NOC2L: variants seen among roughly 807,000 people sequenced by gnomAD.
NOC2L encodes the protein NOC2 like nucleolar associated transcriptional repressor.
In NOC2L, 101 loss-of-function variants were observed where a neutral mutation model predicts 94.2. That is an observed-to-expected ratio of 1.07 (90% CI 0.91 to 1.26). NOC2L has a LOEUF of 1.26. Among genes scored for constraint, NOC2L ranks in the 50% most tolerant of loss-of-function variants. The pLI, the probability that NOC2L is intolerant of heterozygous loss-of-function variation, is 0.00. For synonymous variants in NOC2L, 531 were observed against 413.4 expected (o/e 1.28, Z -3.45); for missense variants, 1,076 against 980.1 (o/e 1.10, Z -1.31).
chr1:944,818 GGCTAC>G lies in NOC2L; in HGVS notation c.2144-23_2144-19del. ...GTCTCCATCTGCGGGGAGAGATGGA[GGCTAC>G]ATAAATTTTGCTTTATCAGGAAGAA... On this transcript the variant is annotated intron_variant, in intron 18 of 18. Transcript: ENST00000327044. The G allele has an allele frequency of 6.6e-7, 1 of 1,517,080 alleles. No individual in the cohort carries two copies. Among genetic ancestry groups the G allele is most frequent in the Non-Finnish European group, 8.9e-7 (1 of 1,117,956 alleles). The allele number at this position is 1,517,080 out of a possible 1,614,324, so 94.0% of individuals were successfully genotyped here.
chr1:953,537 G>A (rs539922566), intron 8 of NOC2L, among the ~76,000 whole-genome samples: 2 of 152,378 alleles, frequency 1.3e-5, no homozygotes, highest in African/African-American at 4.8e-5. Context: ...ATCACACCGG[G>A]AAGAAGATAC....
At chr1:955,184 G>A (rs377652939) in intron 6 of NOC2L, among the ~76,000 whole-genome samples, 3 of 152,220 alleles carry the variant, frequency 2.0e-5, no homozygotes, top group Admixed American at 6.5e-5. Flanking sequence ...TGTCCCCTTC[G>A]GACAGCACTG....
chr1:945,463 TC>T, intron 17 of NOC2L, 54 bp downstream of exon 17: 2 of 1,600,366 alleles, frequency 1.2e-6, no homozygotes, highest in Non-Finnish European at 1.7e-6. Flanking sequence ...CTCTGGGAAG[TC>T]CAGCAGAGCC....
At position 948,137 on chromosome 1, in the gene NOC2L, G is replaced by A. The variant is rs1384310679; in HGVS notation, c.1653C>T (p.Val551=). 1 of 1,585,260 alleles carries A rather than the reference G, an allele frequency of 6.3e-7. No homozygotes were observed. Among genetic ancestry groups the A allele is most frequent in the Non-Finnish European group, 8.6e-7 (1 of 1,166,632 alleles). ...IGFPELVLPV[V]LQLKSFLREC... is the part of the protein sequence containing the mutation. ...GTGTGGGCAGGACACACACCTGCAG[G>A]ACCACAGGCAGCACCAGCTCCGGGA... The change falls in exon 14 of 19, where the codon GTC becomes GTT. Residue 551 remains valine (V), a synonymous_variant. Transcript: ENST00000327044.
chr1:946,118 G>A (rs1055999602), intron 16 of NOC2L, 55 bp downstream of exon 16: 1 of 1,309,088 alleles, frequency 7.6e-7, no homozygotes. Context: ...TAGTGCGCTA[G>A]ATCTGAAACC....
In NOC2L at chr1:952,055, C is replaced by T. The variant is rs767091383; in HGVS notation, c.1276G>A (p.Glu426Lys). The change falls in exon 11 of 19, where the codon GAA becomes AAA. Residue 426 changes from glutamate to lysine, a missense_variant. Around this residue, in one of 3 missense-constraint regions of NOC2L, gnomAD observed 615 missense variants for 577.4 expected, o/e 1.07. Transcript: ENST00000327044. The part of the protein sequence containing the change: ...CRVLSTAGPS[E>K]ALQPLVYPLA... Reference sequence around the variant, plus strand: ...GGGTAGACCAAGGGCTGGAGGGCTTCGCTGGGGCCCGCAGTGCTCAGGACC... The same window carrying T: ...GGGTAGACCAAGGGCTGGAGGGCTTTGCTGGGGCCCGCAGTGCTCAGGACC... 3.0e-5 allele frequency: 48 copies of T among 1,613,504 alleles called. No individual in the cohort carries two copies. In the South Asian group the frequency reaches 4.3e-4, roughly 14 times the overall value.
intron 2 of NOC2L, 191 bp downstream of exon 2, chr1:958,738 C>T: frequency 1.4e-6 from 1 of 719,218 alleles, no homozygotes; most frequent in Non-Finnish European, 2.5e-6. Context: ...CGCTCCCTGC[C>T]TAGGACAGAG....
intron 9 of NOC2L, 106 bp from the exon 10 acceptor site, chr1:952,706 C>A: frequency 8.7e-7 from 1 of 1,145,270 alleles, no homozygotes; most frequent in Non-Finnish European, 1.3e-6. Flanking sequence ...AGAGCTGGGC[C>A]TCGAGGAAGA....
chr1:956,822 T>C, intron 4 of NOC2L, 72 bp downstream of exon 4: 1 of 1,594,342 alleles, frequency 6.3e-7, no homozygotes, highest in South Asian at 1.1e-5. Flanking sequence ...CCCTCGCTGC[T>C]GCTCACCTCA....
In NOC2L at chr1:944,353, G is replaced by C; in HGVS notation, c.*341C>G. Reference sequence around the variant, plus strand: ...GGCAGAGCCTGGTGCAGATGGACGAGGTCTGCAGACGGAGGGCAGAGGTGG... The same window carrying C: ...GGCAGAGCCTGGTGCAGATGGACGACGTCTGCAGACGGAGGGCAGAGGTGG... On this transcript the variant is annotated 3_prime_UTR_variant, in exon 19 of 19. Coordinates refer to ENST00000327044, the MANE Select transcript of NOC2L (RefSeq NM_015658.4). 1.5e-6 allele frequency: 2 copies of C among 1,368,232 alleles called. No individual in the cohort carries two copies. Among genetic ancestry groups the C allele is most frequent in the Non-Finnish European group, 1.9e-6 (2 of 1,067,722 alleles). 84.8% of individuals were successfully genotyped at this position (1,368,232 alleles called of 1,614,324 possible).
rs1345452090 is a variant in NOC2L, at chr1:946,494, G to A, written c.1711C>T (p.Gln571Ter). Residue 571 changes from glutamine to a stop codon, truncating the protein, a stop_gained, in exon 15 of 19, where the codon CAG becomes TAG. Coordinates refer to ENST00000327044, the MANE Select transcript of NOC2L (RefSeq NM_015658.4). LOFTEE classifies it high-confidence loss of function. ...CKVANYCRQV[Q>*]QLLGKVQENS... ...TCCTGAACCTTCCCAAGCAGCTGCT[G>A]CACCTGCCGGCAGTAGTTGGCCACC... 1 of 1,613,102 alleles carries A rather than the reference G, an allele frequency of 6.2e-7. No homozygotes were observed. The highest frequency in any genetic ancestry group is 1.3e-5 in the African/African-American group (1 of 74,938).
At chr1:946,735 G>T in intron 14 of NOC2L, 190 bp from the exon 15 acceptor site, 1 of 632,000 alleles carries the variant, frequency 1.6e-6, no homozygotes. Flanking sequence ...CACCCTCTGG[G>T]CCAACCCTGC....
At chr1:946,138 A>G in intron 16 of NOC2L, 35 bp downstream of exon 16, 1 of 1,477,538 alleles carries the variant, frequency 6.8e-7, no homozygotes, top group Non-Finnish European at 9.3e-7. Context: ...CCAGGAAGTC[A>G]CAACACACCC....
chr1:948,354 T>TC, intron 13 of NOC2L, 122 bp from the exon 14 acceptor site: 1 of 1,052,522 alleles, frequency 9.5e-7, no homozygotes, highest in South Asian at 1.4e-5. Context: ...AGGAAGGGGC[T>TC]CCTGGGCCCC....
chr1:956,676 G>A (rs995918293), intron 4 of NOC2L, among the ~76,000 whole-genome samples: 11 of 152,190 alleles, frequency 7.2e-5, no homozygotes, highest in African/African-American at 2.4e-4. Flanking sequence ...CAAGCAGGAG[G>A]AGCAACGTGT....
At position 945,345 on chromosome 1, in the gene NOC2L, C is replaced by T. The variant is rs1642074411; in HGVS notation, c.2053+173G>A. On this transcript the variant is annotated intron_variant, in intron 17 of 18. Coordinates refer to ENST00000327044, the MANE Select transcript of NOC2L (RefSeq NM_015658.4). ...TACCAATCCCAGTAGGCCTTCACTTCAAGGAGGGAAGGCGCTGGCACCAGA... is the reference window on the plus strand; with the variant it reads ...TACCAATCCCAGTAGGCCTTCACTTTAAGGAGGGAAGGCGCTGGCACCAGA... 30 of 990,126 alleles carry T rather than the reference C, an allele frequency of 3.0e-5. No individual in the cohort carries two copies. In the South Asian group the frequency reaches 5.0e-4, roughly 17 times the overall value. 61.3% of individuals were successfully genotyped at this position (990,126 alleles called of 1,614,324 possible). A position where few individuals can be genotyped will look rare whatever the true frequency, so the allele number is the denominator to read the frequency against.
At chr1:951,271 C>CCCGG (rs1642254267) in intron 11 of NOC2L, 33 bp from the exon 12 acceptor site, 7 of 1,481,958 alleles carry the variant, frequency 4.7e-6, no homozygotes, top group Non-Finnish European at 6.5e-6. Flanking sequence ...AGCAGAGGCC[C>CCCGG]CGGCTCTGGC....
chr1:956,745 C>T, intron 4 of NOC2L, 149 bp downstream of exon 4: 1 of 1,155,090 alleles, frequency 8.7e-7, no homozygotes, highest in Non-Finnish European at 1.2e-6. Flanking sequence ...GCCCCTCCCA[C>T]CAGCACAGCC....
chr1:945,486 C>T, intron 17 of NOC2L, 32 bp downstream of exon 17: 1 of 1,611,660 alleles, frequency 6.2e-7, no homozygotes, highest in Non-Finnish European at 8.5e-7. Flanking sequence ...TCCAGGCCCA[C>T]CCTTCCCCTG....
Sources: gnomAD v4.1 joint callset for allele counts (sites outside exome capture counted in the v4.1 genomes callset) on GRCh38, gnomAD v4.1.1 for gene constraint, gnomAD v4.1.1 regional missense constraint, MANE v1.5 for transcripts, NCBI Gene and HGNC (gene_info 2026-07-23, HGNC 2026-07-21) for gene names.